Variants in NKIRAS1 observed in about 807,000 individuals in gnomAD.
NKIRAS1 encodes the protein NFKB inhibitor interacting Ras like 1.
A neutral mutation model predicts 19.8 loss-of-function variants in NKIRAS1; 16 were observed. The ratio of observed to expected loss-of-function variants is 0.81; its 90% CI spans 0.55 to 1.23. The LOEUF is 1.23. Among genes scored for constraint, NKIRAS1 ranks in the 50% most tolerant of loss-of-function variants. The probability of loss-of-function intolerance (pLI) is 0.00; values close to 1 mark genes in which losing one functional copy is unlikely to be tolerated. For synonymous variants in NKIRAS1, 88 were observed against 79.0 expected (o/e 1.11, Z -0.61); for missense variants, 184 against 220.0 (o/e 0.84, Z 1.04).
chr3:23,934,615 G>T (rs1468191678), intron 1 of NKIRAS1, among the ~76,000 whole-genome samples: 1 of 152,098 alleles, frequency 6.6e-6, no homozygotes, highest in Non-Finnish European at 1.5e-5. Context: ...GGCACTTCTG[G>T]GCATGCTGGC....
chr3:23,905,531 G>A (rs1407235388), intron 3 of NKIRAS1, among the ~76,000 whole-genome samples: 2 of 152,126 alleles, frequency 1.3e-5, no homozygotes, highest in Non-Finnish European at 2.9e-5. Flanking sequence ...CTCAGAAAAT[G>A]TATCACGTAT....
chr3:23,944,993 C>T (rs1297335158), intron 1 of NKIRAS1, among the ~76,000 whole-genome samples: 1 of 150,264 alleles, frequency 6.7e-6, no homozygotes, highest in Admixed American at 6.6e-5. Flanking sequence ...CGGCCAGAGG[C>T]GGGAAAGGCA....
chr3:23,940,306 C>T (rs891010963), intron 1 of NKIRAS1, among the ~76,000 whole-genome samples: 1 of 151,620 alleles, frequency 6.6e-6, no homozygotes, highest in Admixed American at 6.6e-5. Flanking sequence ...ATGATTGCAC[C>T]ACTGTACTGC....
intron 1 of NKIRAS1, chr3:23,945,256 G>A (rs56317749): frequency 0.28 from 42,153 of 150,206 alleles, 6,428 homozygotes; most frequent in African/African-American, 0.39. Flanking sequence ...GGGTGTGTGC[G>A]CGGGTCACAT....
At chr3:23,905,761 T>G (rs932902537) in intron 3 of NKIRAS1, among the ~76,000 whole-genome samples, 4 of 150,640 alleles carry the variant, frequency 2.7e-5, no homozygotes, top group Non-Finnish European at 4.4e-5. Context: ...TGTACAACCT[T>G]TTCAACCCCA....
chr3:23,911,917 C>A (rs1181819964), intron 1 of NKIRAS1, among the ~76,000 whole-genome samples: 1 of 152,026 alleles, frequency 6.6e-6, no homozygotes, highest in Non-Finnish European at 1.5e-5. Context: ...TGCCTGCCAC[C>A]ATGCCCGGTG....
At chr3:23,931,760 G>A (rs1043005867) in intron 1 of NKIRAS1, among the ~76,000 whole-genome samples, 3 of 152,112 alleles carry the variant, frequency 2.0e-5, no homozygotes, top group Admixed American at 6.6e-5. Context: ...GAAGAAGGGC[G>A]GGTTTCAGGA....
chr3:23,920,798 T>A, upstream of NKIRAS1: 1 of 957,360 alleles, frequency 1.0e-6, no homozygotes, highest in Non-Finnish European at 1.2e-6. Flanking sequence ...ATTTTAATTG[T>A]GTAGAGGTTG....
Position 23,901,039 on chromosome 3 carries a change from A to G in NKIRAS1, c.105T>C (p.Asp35=), listed in dbSNP as rs780827428. ...LYGNHTIGME[D]CETMEDVYMA... is the part of the protein sequence containing the mutation. ...TGTATACATCTTCCATTGTTTCGCA[A>G]TCTTCCATTCCTGGGATTAAGAAAA... is the stretch of plus-strand genomic sequence containing the variant. Residue 35 remains aspartate (D), a synonymous_variant, in exon 4 of 5, where the codon GAT becomes GAC. Coordinates refer to ENST00000425478, the MANE Select transcript of NKIRAS1 (RefSeq NM_020345.4). 1.9e-6 allele frequency: 3 copies of G among 1,613,706 alleles called. No homozygotes were observed. The highest frequency in any genetic ancestry group is 4.5e-5 in the East Asian group (2 of 44,878).
chr3:23,909,044 A>C (rs1017723349), intron 3 of NKIRAS1, among the ~76,000 whole-genome samples: 2 of 152,118 alleles, frequency 1.3e-5, no homozygotes, highest in African/African-American at 4.8e-5. Context: ...CAGCCCACAT[A>C]AACAGAAGTT....
upstream of NKIRAS1, chr3:23,918,644 A>G (rs537088236): frequency 1.3e-6 from 2 of 1,550,054 alleles, no homozygotes; most frequent in South Asian, 2.4e-5. Flanking sequence ...AGATTAAGCA[A>G]CTTTTCTGAT....
chr3:23,917,018 AC>A (rs1704614233), upstream of NKIRAS1: 1 of 152,530 alleles, frequency 6.6e-6, no homozygotes, highest in African/African-American at 2.4e-5. Flanking sequence ...ACTCGGCAGA[AC>A]TCCGCCACCA....
In NKIRAS1 at chr3:23,931,727, AGAGAG is replaced by A. The variant is rs1559515827; in HGVS notation, c.-140+14591_-140+14595del. The stretch of plus-strand genomic sequence containing the variant: ...GGAAAGGAAGGAGAGAGAGAGAGAG[AGAGAG>A]AGAGAAAGAAAGGTAGAGAAGAAGG... On this transcript the variant is annotated intron_variant, in intron 1 of 4. Transcript: ENST00000421515. Among the ~76,000 whole-genome samples the A allele has an allele frequency of 9.9e-5, 15 of 152,228 alleles. 1 individual carries two copies. The South Asian group carries it at 1.7e-3, about 17-fold the overall frequency.
chr3:23,938,738 A>G (rs1469131510), intron 1 of NKIRAS1, among the ~76,000 whole-genome samples: 1 of 152,200 alleles, frequency 6.6e-6, no homozygotes, highest in African/African-American at 2.4e-5. Context: ...CCAATAATGC[A>G]GCAAAATTCA....
chr3:23,931,977 T>C (rs1705325411), intron 1 of NKIRAS1, among the ~76,000 whole-genome samples: 1 of 152,208 alleles, frequency 6.6e-6, no homozygotes, highest in Non-Finnish European at 1.5e-5. Flanking sequence ...TGTTTTTTAA[T>C]TTTGAGGGGA....
upstream of NKIRAS1, chr3:23,918,129 C>G (rs1047654101): frequency 1.4e-6 from 2 of 1,427,916 alleles, no homozygotes; most frequent in African/African-American, 1.4e-5. Flanking sequence ...TGTCTTTCTT[C>G]GCATAGGGCT....
intron 1 of NKIRAS1, among the ~76,000 whole-genome samples, chr3:23,934,388 G>A (rs1204788645): frequency 1.3e-5 from 2 of 152,174 alleles, no homozygotes; most frequent in African/African-American, 2.4e-5. Flanking sequence ...GGCAGCTGTG[G>A]GCGATGCTGT....
At position 23,891,427 on chromosome 3, in the gene NKIRAS1, G is replaced by A. The variant is rs1233924799; in HGVS notation, c.*1668C>T. 1 of 152,134 alleles carries A rather than the reference G, an allele frequency of 6.6e-6. No individual in the cohort carries two copies. Among genetic ancestry groups the A allele is most frequent in the Non-Finnish European group, 1.5e-5 (1 of 68,020 alleles). 9.4% of individuals were successfully genotyped at this position (152,134 alleles called of 1,614,324 possible). A position where few individuals can be genotyped will look rare whatever the true frequency, so the allele number is the denominator to read the frequency against. ...AGCTAAAAATAATGCATATTTAGTAGGTATTAGTTAGTTACCTATATTAGG... is the reference window on the plus strand; with the variant it reads ...AGCTAAAAATAATGCATATTTAGTAAGTATTAGTTAGTTACCTATATTAGG... On this transcript the variant is annotated 3_prime_UTR_variant, in exon 5 of 5. Transcript: ENST00000425478.
chr3:23,929,602 G>T (rs73036724), intron 1 of NKIRAS1, among the ~76,000 whole-genome samples: 45,638 of 134,874 alleles, frequency 0.34, 6,959 homozygotes, highest in Middle Eastern at 0.52. Context: ...AATTTTTTTT[G>T]TTGTTGTTGT....
Sources: gnomAD v4.1 joint callset for allele counts (sites outside exome capture counted in the v4.1 genomes callset) on GRCh38, gnomAD v4.1.1 for gene constraint, MANE v1.5 for transcripts, NCBI Gene and HGNC (gene_info 2026-07-23, HGNC 2026-07-21) for gene names.